The following WNK2 variants were observed in gnomAD, a reference collection of about 807,000 sequenced individuals.
The protein encoded by WNK2 is serine/threonine-protein kinase WNK2.
WNK2 carries 67 observed loss-of-function variants against 192.1 expected under a neutral mutation model. The observed-to-expected ratio is 0.35, with a 90% confidence interval of 0.29 to 0.43. WNK2 has a LOEUF of 0.43. Ranked by LOEUF, WNK2 falls within the 20% of genes least tolerant of loss-of-function variation. WNK2 has a pLI of 1.00. For synonymous variants in WNK2, 1,439 were observed against 1,393.9 expected, an observed-to-expected ratio of 1.03 and a Z score of -0.72; for missense variants, 2,698 against 3,089.7, an observed-to-expected ratio of 0.87 and a Z score of 3.01.
intron 2 of WNK2, among the ~76,000 whole-genome samples, chr9:93,198,069 CTG>C (rs1831607912): frequency 6.6e-6 from 1 of 152,190 alleles, no homozygotes; most frequent in Non-Finnish European, 1.5e-5. Context: ...AAGGAGGAAA[CTG>C]AGGTACAGGA....
chr9:93,233,386 AT>A (rs1839236582), intron 4 of WNK2, among the ~76,000 whole-genome samples: 1 of 152,066 alleles, frequency 6.6e-6, no homozygotes, highest in Non-Finnish European at 1.5e-5. Flanking sequence ...CCCAATTTTT[AT>A]CCAAAATGTT....
rs766011218 is a variant in WNK2, at chr9:93,229,788, C to T, written c.774C>T (p.Tyr258=). The T allele has an allele frequency of 1.5e-5, 24 of 1,613,802 alleles. No homozygotes were observed. In the East Asian group the frequency reaches 2.5e-4, roughly 16 times the overall value. ...AGCACCCCAACATCGTGCGCTTCTACGACTTCTGGGAGTCCAGCGCCAAGG... is the reference window on the plus strand; with the variant it reads ...AGCACCCCAACATCGTGCGCTTCTATGACTTCTGGGAGTCCAGCGCCAAGG... ...GLQHPNIVRF[Y]DFWESSAKGK... The change falls in exon 3 of 30, where the codon TAC becomes TAT. Residue 258 remains tyrosine, a synonymous_variant. Coordinates refer to ENST00000427277, the MANE Select transcript of WNK2 (RefSeq NM_006648.4). The surrounding 1 kb of genome is among the most constrained non-coding windows in gnomAD (Gnocchi z 4.9).
Position 93,184,326 on chromosome 9 carries a change from T to C in WNK2, c.-62T>C, listed in dbSNP as rs1828855612. Among the ~76,000 whole-genome samples, 1 of 150,320 alleles carries C rather than the reference T, an allele frequency of 6.7e-6. No homozygotes were observed. Among genetic ancestry groups the C allele is most frequent in the Non-Finnish European group, 1.5e-5 (1 of 67,494 alleles). ...CGGACCCCGTCCTCGAAGCGTGATC[T>C]CTCCCGCCTCGCACGCCCTGGCCGC... On this transcript the variant is annotated 5_prime_UTR_variant, in exon 1 of 30. Transcript: ENST00000427277.
At chr9:93,230,055 A>G (rs1031723092) in intron 3 of WNK2, among the ~76,000 whole-genome samples, 187 bp downstream of exon 3, 16 of 152,044 alleles carry the variant, frequency 1.1e-4, no homozygotes, top group Admixed American at 2.0e-4. Flanking sequence ...TGATCTGTCT[A>G]TGGTGTCTGG....
chr9:93,298,111 A>AC (rs1282025471), intron 24 of WNK2, 44 bp downstream of exon 24: 2 of 1,539,898 alleles, frequency 1.3e-6, no homozygotes, highest in Non-Finnish European at 1.7e-6. Flanking sequence ...GGGGCTGGGG[A>AC]CCCCCGAGTG....
At chr9:93,225,696 A>C (rs1290807861) in intron 2 of WNK2, among the ~76,000 whole-genome samples, 5 of 152,230 alleles carry the variant, frequency 3.3e-5, no homozygotes, top group Non-Finnish European at 5.9e-5. Context: ...TGGTGCTAAA[A>C]TACTGGCAAA....
intron 7 of WNK2, among the ~76,000 whole-genome samples, chr9:93,241,745 G>C (rs1208979990): frequency 6.6e-6 from 1 of 152,190 alleles, no homozygotes; most frequent in Non-Finnish European, 1.5e-5. Context: ...GCTCCTCCTG[G>C]CAGCTCCTTG....
intron 2 of WNK2, among the ~76,000 whole-genome samples, chr9:93,219,219 C>T (rs1431654963): frequency 2.0e-5 from 3 of 152,256 alleles, no homozygotes; most frequent in Non-Finnish European, 4.4e-5. Context: ...TGAGCCGTTT[C>T]CCCTAAATGT....
intron 28 of WNK2, among the ~76,000 whole-genome samples, chr9:93,315,228 C>T (rs115362919): frequency 2.0e-3 from 302 of 152,276 alleles, no homozygotes; most frequent in African/African-American, 6.7e-3. Flanking sequence ...CTGATGTGGG[C>T]GCAATGGGTT....
intron 2 of WNK2, among the ~76,000 whole-genome samples, chr9:93,226,213 C>T (rs1310150894): frequency 1.3e-5 from 2 of 152,248 alleles, no homozygotes; most frequent in African/African-American, 2.4e-5. Context: ...TACACTAGAA[C>T]AGCCCTGGAG....
chr9:93,238,633 T>G (rs915028834), intron 6 of WNK2, among the ~76,000 whole-genome samples: 1 of 152,244 alleles, frequency 6.6e-6, no homozygotes, highest in Non-Finnish European at 1.5e-5. Context: ...GGACCCAGCC[T>G]GTAGCATCTG....
At position 93,185,149 on chromosome 9, in the gene WNK2, C is replaced by T; in HGVS notation, c.220C>T (p.Arg74Trp). Residue 74 changes from arginine to tryptophan, a missense_variant, in exon 2 of 30, where the codon CGG becomes TGG. Arg to Trp is a moderately radical substitution (Grantham distance 101). This residue lies in a region of WNK2 where 260 missense variants were observed against 285.6 expected (regional missense o/e 0.91). Coordinates refer to ENST00000427277, the MANE Select transcript of WNK2 (RefSeq NM_006648.4). ...GCAGCCCCCGCAGCCCCTGCAGCGCCGGGTGCTTCTGCTCTGCAAGACGCG... is the reference window on the plus strand; with the variant it reads ...GCAGCCCCCGCAGCCCCTGCAGCGCTGGGTGCTTCTGCTCTGCAAGACGCG... The part of the protein sequence containing the change: ...GPQPPQPLQR[R>W]VLLLCKTRRL... 7.7e-7 allele frequency: 1 copy of T among 1,293,346 alleles called. No homozygotes were observed. Among genetic ancestry groups the T allele is most frequent in the Non-Finnish European group, 9.9e-7 (1 of 1,014,042 alleles). 80.1% of individuals were successfully genotyped at this position (1,293,346 alleles called of 1,614,324 possible).
rs1003008304 is a variant in WNK2 at position 93,244,609 on chromosome 9, C to T, written c.1543-2934C>T. On this transcript the variant is annotated intron_variant, in intron 7 of 29. Transcript: ENST00000427277. ...ACGTGGCCTTGGCAGCCTCTGGTCA[C>T]GTATCTGGGCCGAGGTGGGCAAGGG... is the stretch of plus-strand genomic sequence containing the variant. Among the ~76,000 whole-genome samples, 6 of 152,308 alleles carry T rather than the reference C, an allele frequency of 3.9e-5. No individual in the cohort carries two copies. The East Asian group carries it at 5.8e-4, about 15-fold the overall frequency.
At position 93,310,448 on chromosome 9, in the gene WNK2, A is replaced by AAT. The variant is rs886318507; in HGVS notation, c.6516+1880_6516+1881dup. Among the ~76,000 whole-genome samples the AAT allele has an allele frequency of 9.0e-4, 136 of 150,936 alleles. 2 individuals carry two copies. Among genetic ancestry groups the AAT allele is most frequent in the Middle Eastern group, 3.4e-3 (1 of 292 alleles). ...ACTTTTATTTTTGTCATGGCAAAAA[A>AAT]ATATATATATATATATAAAACACAA... is the stretch of plus-strand genomic sequence containing the variant. On this transcript the variant is annotated intron_variant, in intron 28 of 29. Transcript: ENST00000427277.
intron 2 of WNK2, among the ~76,000 whole-genome samples, chr9:93,207,183 C>A (rs1031389198): frequency 6.6e-6 from 1 of 152,194 alleles, no homozygotes; most frequent in African/African-American, 2.4e-5. Context: ...TGGGAACTTG[C>A]AAGCAGACCA....
In WNK2 at chr9:93,301,198, A is replaced by AT. The variant is rs199946614; in HGVS notation, c.6214+1054dup. On this transcript the variant is annotated intron_variant, in intron 26 of 29. Coordinates refer to ENST00000427277, the MANE Select transcript of WNK2 (RefSeq NM_006648.4). ...CGGCCAGTGAACCAAAAGCTGTGAG[A>AT]TTTTTAGGCTTTTGTCTTTTTAACA... 8.6e-3 allele frequency among the ~76,000 whole-genome samples: 1,302 copies of AT among 151,546 alleles called. 24 individuals are homozygous for AT. The highest frequency in any genetic ancestry group is 0.03 in the African/African-American group (1,232 of 41,050).
At chr9:93,187,292 G>C (rs1380253979) in intron 2 of WNK2, among the ~76,000 whole-genome samples, 1 of 152,148 alleles carries the variant, frequency 6.6e-6, no homozygotes, top group Non-Finnish European at 1.5e-5. Context: ...TGCAGGCATG[G>C]GGTGGAGCCT....
intron 13 of WNK2, 35 bp from the exon 14 acceptor site, chr9:93,262,635 T>G: frequency 6.2e-7 from 1 of 1,611,820 alleles, no homozygotes; most frequent in Non-Finnish European, 8.5e-7. Context: ...GGAGTCCGCA[T>G]GACCTGTTCT....
rs1034461374 is a variant in WNK2, at chr9:93,259,835, G to A, written c.3066+221G>A. 3.3e-5 allele frequency among the ~76,000 whole-genome samples: 5 copies of A among 152,358 alleles called. No individual in the cohort carries two copies. The highest frequency in any genetic ancestry group is 1.2e-4 in the African/African-American group (5 of 41,596). On this transcript the variant is annotated intron_variant, in intron 12 of 29. Transcript: ENST00000427277. This position sits in a 1 kb window ranked among gnomAD's most constrained non-coding sequence, Gnocchi z 4.8. ...AATGGGTCAGGAGATGCAGGAGTCC[G>A]TGCCTGATAGGTTCTGTGTCCCTAC... is the stretch of plus-strand genomic sequence containing the variant.
Sources: gnomAD v4.1 joint callset for allele counts (sites outside exome capture counted in the v4.1 genomes callset) on GRCh38, gnomAD v4.1.1 for gene constraint, gnomAD v4.1.1 regional missense constraint, Gnocchi (gnomAD v3.1) non-coding constraint, MANE v1.5 for transcripts, NCBI Gene and HGNC (gene_info 2026-07-23, HGNC 2026-07-21) for gene names.